OVCH2: variants seen among roughly 807,000 people sequenced by gnomAD.
The protein encoded by OVCH2 is ovochymase-2.
In OVCH2, 88 loss-of-function variants were observed where a neutral mutation model predicts 73.7. The observed-to-expected ratio is 1.19, with a 90% CI of 1.01 to 1.43. The LOEUF (loss-of-function observed/expected upper bound fraction) is 1.43. Ranked by LOEUF, OVCH2 falls within the 40% of genes most tolerant of loss-of-function variation. The probability of loss-of-function intolerance (pLI) is 0.00; values close to 1 mark genes in which losing one functional copy is unlikely to be tolerated. For synonymous variants in OVCH2, 265 were observed against 234.5 expected (o/e 1.13, Z -1.19); for missense variants, 706 against 674.5 (o/e 1.05, Z -0.52).
chr11:7,689,492 G>C lies in OVCH2; in HGVS notation c.*142C>G, dbSNP rs1238639271. 1.4e-5 allele frequency: 5 copies of C among 360,128 alleles called. No individual in the cohort carries two copies. The highest frequency in any genetic ancestry group is 2.8e-5 in the Non-Finnish European group (5 of 180,694). The allele number at this position is 360,128 out of a possible 1,614,324, so 22.3% of individuals were successfully genotyped here. A position where few individuals can be genotyped will look rare whatever the true frequency, so the allele number is the denominator to read the frequency against. ...ATAGTTCTGGAGGCTAGAAGTCCAA[G>C]ATCAACGTGTCAGCAGGGATGGCTC... On this transcript the variant is annotated 3_prime_UTR_variant, in exon 16 of 16. Transcript: ENST00000533663.
downstream of OVCH2, among the ~76,000 whole-genome samples, chr11:7,685,160 A>G (rs1856128951): frequency 6.6e-6 from 1 of 152,144 alleles, no homozygotes; most frequent in Non-Finnish European, 1.5e-5. Context: ...GAGTGGGGGC[A>G]CACAGAGAAG....
chr11:7,680,479 G>A, the OVCH2 span, among the ~76,000 whole-genome samples: 1 of 152,140 alleles, frequency 6.6e-6, no homozygotes, highest in African/African-American at 2.4e-5. Flanking sequence ...TGGGCCTGAT[G>A]TGATCACAAG....
At chr11:7,685,964 T>C (rs992102928), downstream of OVCH2, among the ~76,000 whole-genome samples, 1 of 152,068 alleles carries the variant, frequency 6.6e-6, no homozygotes, top group Admixed American at 6.5e-5. Flanking sequence ...CAGGTTGTCA[T>C]TGAAAAAAAA....
At chr11:7,689,038 T>C (rs1185599918), downstream of OVCH2, among the ~76,000 whole-genome samples, 1 of 152,236 alleles carries the variant, frequency 6.6e-6, no homozygotes, top group African/African-American at 2.4e-5. Context: ...CTCCATGTGA[T>C]GGCTTTTTTG....
At chr11:7,683,721 A>AC in the OVCH2 span, among the ~76,000 whole-genome samples, 3 of 152,146 alleles carry the variant, frequency 2.0e-5, no homozygotes, top group Non-Finnish European at 4.4e-5. Flanking sequence ...GACTCTCCAG[A>AC]CATAACTGAC....
intron 7 of OVCH2, 99 bp downstream of exon 7, chr11:7,700,197 C>G (rs1856408246): frequency 1.7e-6 from 2 of 1,187,952 alleles, no homozygotes; most frequent in East Asian, 4.9e-5. Context: ...GAGGTAGAGC[C>G]TGTTGGTTCA....
At chr11:7,693,183 A>G (rs10839847) in intron 12 of OVCH2, among the ~76,000 whole-genome samples, 111,522 of 152,064 alleles carry the variant, frequency 0.73, 41,017 homozygotes, top group Non-Finnish European at 0.76. Flanking sequence ...CACACAGTTG[A>G]TGGGGATTCA....
Position 7,696,501 on chromosome 11 carries a change from A to C in OVCH2, c.1105T>G (p.Tyr369Asp), listed in dbSNP as rs963586372. Residue 369 changes from tyrosine to aspartate, a missense_variant, in exon 10 of 16, where the codon TAC becomes GAC. Coordinates refer to ENST00000533663, the MANE Select transcript of OVCH2 (RefSeq NM_198185.7). ...HLDVESCHHS[Y>D]LSMYSLEDRP... ...TCTTCTAAAGAATACATTGACAGGT[A>C]ACTGTGGTGACAAGACTCAACATCT... 5.0e-6 allele frequency: 8 copies of C among 1,613,920 alleles called. No individual in the cohort carries two copies. Among genetic ancestry groups the C allele is most frequent in the South Asian group, 1.1e-5 (1 of 91,092 alleles).
chr11:7,680,896 G>A, the OVCH2 span, among the ~76,000 whole-genome samples: 1 of 152,078 alleles, frequency 6.6e-6, no homozygotes, highest in African/African-American at 2.4e-5. Context: ...AATTTCCTAG[G>A]GCTTGGCTCA....
intron 1 of OVCH2, 58 bp downstream of exon 1, chr11:7,706,249 C>T (rs1017903276): frequency 6.1e-6 from 9 of 1,464,868 alleles, no homozygotes; most frequent in East Asian, 2.4e-5. Context: ...GGAGTTGTGA[C>T]GTCCATTGCC....
At chr11:7,686,797 A>G (rs1218277855), downstream of OVCH2, among the ~76,000 whole-genome samples, 3 of 152,186 alleles carry the variant, frequency 2.0e-5, no homozygotes, top group African/African-American at 7.2e-5. Flanking sequence ...AAAATTGTCT[A>G]TAGTGTATCC....
intron 7 of OVCH2, chr11:7,699,633 G>C (rs984287637): frequency 6.6e-6 from 1 of 152,148 alleles, no homozygotes; most frequent in Non-Finnish European, 1.5e-5. Flanking sequence ...CTGCTGACAT[G>C]GAACTTGCAG....
chr11:7,700,150 G>C, intron 7 of OVCH2, 146 bp downstream of exon 7: 1 of 749,104 alleles, frequency 1.3e-6, no homozygotes, highest in Non-Finnish European at 2.1e-6. Context: ...TTTAGACTTG[G>C]TAAACCTCAC....
At chr11:7,686,452 G>A (rs982520275), downstream of OVCH2, among the ~76,000 whole-genome samples, 5 of 152,184 alleles carry the variant, frequency 3.3e-5, no homozygotes, top group Non-Finnish European at 7.3e-5. Flanking sequence ...ATCGCTTAAT[G>A]TATGTTAGCT....
At chr11:7,687,189 C>T (rs1027180385), downstream of OVCH2, among the ~76,000 whole-genome samples, 1 of 151,846 alleles carries the variant, frequency 6.6e-6, no homozygotes, top group African/African-American at 2.4e-5. Context: ...GTTATTCATA[C>T]AGATGAAAAG....
chr11:7,683,352 T>C, the OVCH2 span, among the ~76,000 whole-genome samples: 17,383 of 152,218 alleles, frequency 0.11, 2,504 homozygotes, highest in African/African-American at 0.34. Flanking sequence ...ATGGTCACCT[T>C]TGACATCTCT....
intron 4 of OVCH2, 101 bp downstream of exon 4, chr11:7,702,056 A>G (rs1341606756): frequency 8.8e-7 from 1 of 1,135,214 alleles, no homozygotes; most frequent in African/African-American, 1.6e-5. Flanking sequence ...TTCCTATCTC[A>G]AAGTGCATGA....
At chr11:7,690,120 C>A in intron 14 of OVCH2, 107 bp from the exon 15 acceptor site, 1 of 789,042 alleles carries the variant, frequency 1.3e-6, no homozygotes, top group Non-Finnish European at 2.1e-6. Context: ...TGGGGCACCT[C>A]AGCCAGCTAG....
chr11:7,703,227 A>T (rs1565171408), intron 3 of OVCH2, among the ~76,000 whole-genome samples: 1 of 152,178 alleles, frequency 6.6e-6, no homozygotes, highest in Non-Finnish European at 1.5e-5. Flanking sequence ...ATCACACAAG[A>T]AAGTGGGTAA....
Sources: allele counts gnomAD v4.1 joint callset (sites outside exome capture counted in the v4.1 genomes callset), GRCh38; gene constraint gnomAD v4.1.1; transcripts MANE v1.5; gene names NCBI Gene and HGNC (gene_info 2026-07-23, HGNC 2026-07-21).